Variants in FBXW8 observed in about 807,000 individuals in gnomAD.
FBXW8 encodes F-box and WD repeat domain containing 8.
A neutral mutation model predicts 65.3 loss-of-function variants in FBXW8; 57 were observed. That is an observed-to-expected ratio of 0.87 (90% CI 0.71 to 1.09). The LOEUF is 1.09. Among genes scored for constraint, FBXW8 ranks in the 50% least tolerant of loss-of-function variants. The pLI is 0.00. For synonymous variants in FBXW8, 308 were observed against 330.2 expected (o/e 0.93, Z 0.73); for missense variants, 777 against 814.8 (o/e 0.95, Z 0.57).
At chr12:116,953,616 C>CA (rs772639446) in intron 4 of FBXW8, among the ~76,000 whole-genome samples, 17 of 150,248 alleles carry the variant, frequency 1.1e-4, no homozygotes, top group Non-Finnish European at 2.4e-4. Context: ...CTAAAAAATA[C>CA]AAAAAAATTA....
At chr12:117,023,235 T>A (rs1954143065) in intron 8 of FBXW8, among the ~76,000 whole-genome samples, 1 of 152,128 alleles carries the variant, frequency 6.6e-6, no homozygotes, top group African/African-American at 2.4e-5. Flanking sequence ...CTCCACAGCT[T>A]TTGGGTCAGA....
intron 7 of FBXW8, among the ~76,000 whole-genome samples, chr12:117,007,483 C>G (rs1354230146): frequency 6.6e-6 from 1 of 152,190 alleles, no homozygotes; most frequent in African/African-American, 2.4e-5. Context: ...CTATTGCCTG[C>G]AAAAATTTGC....
intron 7 of FBXW8, chr12:117,003,013 A>G (rs556977992): frequency 1.3e-5 from 2 of 152,320 alleles, no homozygotes; most frequent in East Asian, 1.9e-4. Context: ...TACCATGAAG[A>G]TGTATAGGAC....
intron 7 of FBXW8, among the ~76,000 whole-genome samples, chr12:116,992,758 C>T (rs958350854): frequency 6.3e-5 from 4 of 63,138 alleles, no homozygotes; most frequent in Non-Finnish European, 1.6e-4. Context: ...AGTATTATTC[C>T]ATGGTGTGTG....
chr12:117,009,492 T>TTGTG (rs925238480), intron 7 of FBXW8, among the ~76,000 whole-genome samples: 1 of 152,126 alleles, frequency 6.6e-6, no homozygotes, highest in African/African-American at 2.4e-5. Flanking sequence ...CTTGGTGTGT[T>TTGTG]TGTGTGTGTG....
intron 1 of FBXW8, among the ~76,000 whole-genome samples, chr12:116,921,549 A>G (rs1016345026): frequency 6.6e-6 from 1 of 152,152 alleles, no homozygotes; most frequent in African/African-American, 2.4e-5. Context: ...TTACCTCTAT[A>G]AAAGATTTTA....
intron 4 of FBXW8, among the ~76,000 whole-genome samples, chr12:116,954,954 C>T (rs1429781938): frequency 6.6e-6 from 1 of 150,798 alleles, no homozygotes; most frequent in Admixed American, 6.6e-5. Flanking sequence ...ATCTTTTGGT[C>T]AACAAACCAA....
chr12:116,917,664 C>T (rs1317406943), intron 1 of FBXW8, among the ~76,000 whole-genome samples: 2 of 152,086 alleles, frequency 1.3e-5, no homozygotes, highest in African/African-American at 4.8e-5. Flanking sequence ...CTGGTATAGG[C>T]CAGAACCTCT....
chr12:116,993,431 C>T (rs963155609), intron 7 of FBXW8, among the ~76,000 whole-genome samples: 4 of 152,036 alleles, frequency 2.6e-5, no homozygotes, highest in Admixed American at 1.3e-4. Flanking sequence ...AATGGCCTTT[C>T]TGGCTGGATA....
At chr12:117,010,510 CCACTGCGCTGCTCA>C in intron 8 of FBXW8, 60 bp downstream of exon 8, 1 of 1,610,442 alleles carries the variant, frequency 6.2e-7, no homozygotes, top group Non-Finnish European at 8.5e-7. Flanking sequence ...GGCCCGGCCC[CCACTGCGCTGCTCA>C]CACTGCCCGG....
At chr12:117,026,047 T>A (rs1246090174) in intron 9 of FBXW8, among the ~76,000 whole-genome samples, 1 of 152,254 alleles carries the variant, frequency 6.6e-6, no homozygotes. Context: ...CAGAACTCAC[T>A]GACTTGCTCA....
chr12:116,949,468 T>G, intron 3 of FBXW8, 150 bp from the exon 4 acceptor site: 1 of 677,876 alleles, frequency 1.5e-6, no homozygotes, highest in Non-Finnish European at 2.7e-6. Context: ...AGTCATCATC[T>G]TTGTCTTTTT....
chr12:117,017,889 TAC>T (rs1347974918), intron 8 of FBXW8, among the ~76,000 whole-genome samples: 7 of 152,138 alleles, frequency 4.6e-5, no homozygotes, highest in Non-Finnish European at 8.8e-5. Flanking sequence ...ACCCCCCAAT[TAC>T]AGAGTCTCAG....
At chr12:116,930,120 G>A (rs1881657009) in intron 2 of FBXW8, among the ~76,000 whole-genome samples, 1 of 152,024 alleles carries the variant, frequency 6.6e-6, no homozygotes, top group South Asian at 2.1e-4. Flanking sequence ...TGTGAATAAT[G>A]TTGCAATGAG....
At chr12:116,978,947 T>C (rs1592915424) in intron 5 of FBXW8, 1 of 152,324 alleles carries the variant, frequency 6.6e-6, no homozygotes, top group South Asian at 2.1e-4. Flanking sequence ...TAGTTGGGAC[T>C]TATCTTTTTG....
chr12:116,970,878 G>C (rs961442522), intron 5 of FBXW8, among the ~76,000 whole-genome samples: 3 of 152,010 alleles, frequency 2.0e-5, no homozygotes, highest in African/African-American at 7.3e-5. Flanking sequence ...TTCTTGCCTG[G>C]TACCTTTGCC....
At position 117,010,369 on chromosome 12, in the gene FBXW8, G is replaced by A. The variant is rs1389121297; in HGVS notation, c.1286G>A (p.Gly429Asp). 3 of 1,614,116 alleles carry A rather than the reference G, an allele frequency of 1.9e-6. No individual in the cohort carries two copies. Among genetic ancestry groups the A allele is most frequent in the African/African-American group, 2.7e-5 (2 of 74,936 alleles). Residue 429 changes from glycine (G) to aspartate (D), a missense_variant, in exon 8 of 11, where the codon GGT becomes GAT. Physicochemically the swap from Gly to Asp is moderately conservative, Grantham distance 94. Coordinates refer to ENST00000652555, the MANE Select transcript of FBXW8 (RefSeq NM_153348.3). ...GCAGGACGCCGCCTCTTGAAGCTGG[G>A]TAACGTTCTCCGTGACTTCACGTGT... is the stretch of plus-strand genomic sequence containing the variant. Reference protein sequence around the residue: ...LEAGRRLLKLGNVLRDFTCVN... With the variant: ...LEAGRRLLKLDNVLRDFTCVN...
At chr12:116,975,846 A>C (rs1341815115) in intron 5 of FBXW8, among the ~76,000 whole-genome samples, 1 of 152,222 alleles carries the variant, frequency 6.6e-6, no homozygotes, top group African/African-American at 2.4e-5. Flanking sequence ...ATTGCCCCAG[A>C]TTGGAGTCGA....
intron 5 of FBXW8, among the ~76,000 whole-genome samples, chr12:116,976,386 TAAA>T (rs35871383): frequency 2.2e-5 from 3 of 133,640 alleles, no homozygotes; most frequent in South Asian, 4.7e-4. Flanking sequence ...CCCTTTTCTT[TAAA>T]AAAAAAAAAA....
Sources: allele counts gnomAD v4.1 joint callset (sites outside exome capture counted in the v4.1 genomes callset), GRCh38; gene constraint gnomAD v4.1.1; transcripts MANE v1.5; gene names NCBI Gene and HGNC (gene_info 2026-07-23, HGNC 2026-07-21).